The following LRRC20 variants were observed in gnomAD, a reference collection of about 807,000 sequenced individuals.
LRRC20 encodes leucine rich repeat containing 20.
LRRC20 carries 11 observed loss-of-function variants against 14.4 expected under a neutral mutation model. The ratio of observed to expected loss-of-function variants is 0.77; its 90% CI spans 0.48 to 1.27. The LOEUF is 1.27. Ranked by LOEUF, LRRC20 falls within the 50% of genes most tolerant of loss-of-function variation. The probability of loss-of-function intolerance (pLI) is 0.00; values close to 1 mark genes in which losing one functional copy is unlikely to be tolerated. For synonymous variants in LRRC20, 121 were observed against 107.3 expected (o/e 1.13, Z -0.79); for missense variants, 219 against 251.2 (o/e 0.87, Z 0.87).
chr10:70,359,536 G>T (rs549764383), intron 2 of LRRC20, among the ~76,000 whole-genome samples: 1 of 152,146 alleles, frequency 6.6e-6, no homozygotes, highest in African/African-American at 2.4e-5. Context: ...GTGAGACCTT[G>T]TCTCAAAATT....
chr10:70,356,040 T>G (rs1843504852), intron 2 of LRRC20, among the ~76,000 whole-genome samples: 1 of 152,248 alleles, frequency 6.6e-6, no homozygotes, highest in Admixed American at 6.5e-5. Flanking sequence ...GTGGCTATCA[T>G]ACTCAGTCAG....
At chr10:70,322,725 T>C (rs1333707286) in intron 4 of LRRC20, among the ~76,000 whole-genome samples, 1 of 152,082 alleles carries the variant, frequency 6.6e-6, no homozygotes, top group East Asian at 1.9e-4. Flanking sequence ...AATCACATAT[T>C]CCTATCCTGG....
In LRRC20 at chr10:70,300,706, G is replaced by C. The variant is rs78379698; in HGVS notation, c.*648C>G. On this transcript the variant is annotated 3_prime_UTR_variant, in exon 5 of 5. Coordinates refer to ENST00000446961, the MANE Select transcript of LRRC20 (RefSeq NM_001278212.2). ...CTTGCTCCCCATTCCCAGCCTGCTG[G>C]TCCTCGGGCTCCTACATGAATGTTC... 1 of 985,480 alleles carries C rather than the reference G, an allele frequency of 1.0e-6. No homozygotes were observed. Among genetic ancestry groups the C allele is most frequent in the Admixed American group, 6.1e-5 (1 of 16,262 alleles). The allele number at this position is 985,480 out of a possible 1,614,324, so 61.0% of individuals were successfully genotyped here.
chr10:70,373,060 A>C (rs1844369087), intron 2 of LRRC20, among the ~76,000 whole-genome samples: 1 of 152,172 alleles, frequency 6.6e-6, no homozygotes, highest in African/African-American at 2.4e-5. Flanking sequence ...GCAGTGAGCC[A>C]AGATTGTGCC....
chr10:70,344,234 A>AAGAAT (rs1187127884), intron 2 of LRRC20, among the ~76,000 whole-genome samples: 11 of 152,294 alleles, frequency 7.2e-5, no homozygotes, highest in African/African-American at 9.6e-5. Flanking sequence ...AAGAAAAGAA[A>AAGAAT]AGAAAAGTCA....
At chr10:70,372,857 C>G (rs1255236389) in intron 2 of LRRC20, among the ~76,000 whole-genome samples, 2 of 151,402 alleles carry the variant, frequency 1.3e-5, no homozygotes, top group African/African-American at 2.4e-5. Context: ...AATCCCAGCA[C>G]TTTAGGAGGC....
chr10:70,337,284 G>C (rs1842750651), intron 3 of LRRC20, among the ~76,000 whole-genome samples: 1 of 152,214 alleles, frequency 6.6e-6, no homozygotes, highest in African/African-American at 2.4e-5. Context: ...ATTTGAAAGA[G>C]AAACCACAAC....
intron 2 of LRRC20, among the ~76,000 whole-genome samples, chr10:70,349,040 G>A (rs1843185561): frequency 6.6e-6 from 1 of 152,252 alleles, no homozygotes; most frequent in African/African-American, 2.4e-5. Context: ...ACCCAGGGAA[G>A]AGAAGATCCA....
At chr10:70,374,277 C>G (rs925335923) in intron 2 of LRRC20, among the ~76,000 whole-genome samples, 1 of 152,136 alleles carries the variant, frequency 6.6e-6, no homozygotes, top group African/African-American at 2.4e-5. Context: ...AATTGTTTTC[C>G]CTCCCCTGCG....
chr10:70,346,041 A>C (rs1464237039), intron 2 of LRRC20, among the ~76,000 whole-genome samples: 3 of 152,072 alleles, frequency 2.0e-5, no homozygotes, highest in African/African-American at 7.2e-5. Flanking sequence ...CAGGGAGATC[A>C]CTTGAGTTTG....
At chr10:70,310,858 C>T (rs78404897) in intron 4 of LRRC20, among the ~76,000 whole-genome samples, 4,798 of 152,326 alleles carry the variant, frequency 0.031, 132 homozygotes, top group Non-Finnish European at 0.046. Flanking sequence ...TGATAAGACA[C>T]GTATCCTAGT....
intron 2 of LRRC20, among the ~76,000 whole-genome samples, chr10:70,358,952 C>A (rs1221779702): frequency 6.6e-6 from 1 of 152,228 alleles, no homozygotes; most frequent in Non-Finnish European, 1.5e-5. Context: ...GAAGCTTGGT[C>A]TCAGCATCCC....
intron 4 of LRRC20, among the ~76,000 whole-genome samples, chr10:70,316,032 T>C (rs1448600586): frequency 2.0e-5 from 3 of 152,042 alleles, no homozygotes; most frequent in Non-Finnish European, 4.4e-5. Flanking sequence ...ATCAGGCGGC[T>C]CTCCAGCACT....
At chr10:70,331,706 C>T (rs1416988070) in intron 3 of LRRC20, among the ~76,000 whole-genome samples, 1 of 152,178 alleles carries the variant, frequency 6.6e-6, no homozygotes, top group Non-Finnish European at 1.5e-5. Flanking sequence ...AACCAGGGCT[C>T]CCAGGATGGA....
At chr10:70,318,879 C>T (rs1841974517) in intron 4 of LRRC20, among the ~76,000 whole-genome samples, 1 of 151,978 alleles carries the variant, frequency 6.6e-6, no homozygotes, top group African/African-American at 2.4e-5. Context: ...GCAATCACAG[C>T]TCACTGCAAC....
intron 4 of LRRC20, among the ~76,000 whole-genome samples, chr10:70,317,846 T>G (rs1371185858): frequency 6.6e-6 from 1 of 151,896 alleles, no homozygotes; most frequent in Admixed American, 6.6e-5. Flanking sequence ...AGCTGGGAGG[T>G]CTGAAGCCTC....
chr10:70,369,032 C>T (rs2137142854), intron 2 of LRRC20, among the ~76,000 whole-genome samples: 1 of 152,312 alleles, frequency 6.6e-6, no homozygotes, highest in Admixed American at 6.5e-5. Context: ...GACATTTGCC[C>T]ATGAAAGCAG....
Position 70,298,990 on chromosome 10 carries a change from C to T in LRRC20, c.*2364G>A, listed in dbSNP as rs1564602530. ...ACCAGGCAGATGAAACCAATGCATTCTTTATTGCAGACTGAAGCTTAGGGG... is the reference window on the plus strand; with the variant it reads ...ACCAGGCAGATGAAACCAATGCATTTTTTATTGCAGACTGAAGCTTAGGGG... On this transcript the variant is annotated 3_prime_UTR_variant, in exon 5 of 5. Transcript: ENST00000446961. 1 of 152,662 alleles carries T rather than the reference C, an allele frequency of 6.6e-6. No homozygotes were observed. Among genetic ancestry groups the T allele is most frequent in the African/African-American group, 2.4e-5 (1 of 41,426 alleles). The allele number at this position is 152,662 out of a possible 1,614,324, so 9.5% of individuals were successfully genotyped here.
chr10:70,347,920 T>C (rs1030785683), intron 2 of LRRC20, among the ~76,000 whole-genome samples: 5 of 151,976 alleles, frequency 3.3e-5, no homozygotes, highest in Non-Finnish European at 5.9e-5. Context: ...CAAGGCCACA[T>C]TAGAGGATGC....
Sources: gnomAD v4.1 joint callset for allele counts (sites outside exome capture counted in the v4.1 genomes callset) on GRCh38, gnomAD v4.1.1 for gene constraint, MANE v1.5 for transcripts, NCBI Gene and HGNC (gene_info 2026-07-23, HGNC 2026-07-21) for gene names.